Variants in RNF38 observed in about 807,000 individuals in gnomAD.
RNF38 encodes the protein ring finger protein 38, also known as E3 ubiquitin-protein ligase RNF38.
Under a neutral mutation model 67.2 loss-of-function variants are expected in RNF38, and 15 were observed. That is an observed-to-expected ratio of 0.22 (90% CI 0.15 to 0.34). The LOEUF is 0.34. Among genes scored for constraint, RNF38 ranks in the 10% least tolerant of loss-of-function variants. The probability of loss-of-function intolerance (pLI) is 1.00; values close to 1 mark genes in which losing one functional copy is unlikely to be tolerated. For missense variants in RNF38, 524 were observed against 639.9 expected (o/e 0.82, Z 1.95); for synonymous variants, 220 against 218.8 (o/e 1.01, Z -0.05).
intron 1 of RNF38, among the ~76,000 whole-genome samples, chr9:36,431,674 A>G (rs1838937774): frequency 6.6e-6 from 1 of 152,202 alleles, no homozygotes; most frequent in Non-Finnish European, 1.5e-5. Context: ...GAAGCTCTCC[A>G]AACTCTATTA....
At chr9:36,392,679 C>G (rs1837200087) in intron 1 of RNF38, among the ~76,000 whole-genome samples, 1 of 152,154 alleles carries the variant, frequency 6.6e-6, no homozygotes, top group Non-Finnish European at 1.5e-5. Flanking sequence ...GCAGGAGCTT[C>G]ACTCGAGCCC....
chr9:36,449,403 C>A (rs897934271), intron 1 of RNF38, among the ~76,000 whole-genome samples: 2 of 152,050 alleles, frequency 1.3e-5, no homozygotes, highest in African/African-American at 4.8e-5. Context: ...TGCACTCCAG[C>A]CTGGGTGACA....
At chr9:36,465,643 C>T (rs185006319) in intron 1 of RNF38, among the ~76,000 whole-genome samples, 1 of 152,180 alleles carries the variant, frequency 6.6e-6, no homozygotes, top group African/African-American at 2.4e-5. Flanking sequence ...CTATACCCGG[C>T]CCATAGCAGC....
chr9:36,358,044 A>T (rs1834257317), intron 4 of RNF38, 102 bp from the exon 5 acceptor site: 7 of 853,000 alleles, frequency 8.2e-6, no homozygotes, highest in Non-Finnish European at 1.3e-5. Context: ...TCTCAGCTAC[A>T]CGGATTTTCA....
Position 36,442,072 on chromosome 9 carries a change from G to C in RNF38, n.242-17389C>G, listed in dbSNP as rs545091217. Reference sequence around the variant, plus strand: ...TCAATAGCTTCCTCCTACTTATAAGGGGGGGAGGGGGAGAGTCAAATCTGT... The same window carrying C: ...TCAATAGCTTCCTCCTACTTATAAGCGGGGGAGGGGGAGAGTCAAATCTGT... On this transcript the variant is annotated intron_variant and non_coding_transcript_variant, in intron 1 of 3. Coordinates refer to the RNF38 transcript ENST00000488058. Among the ~76,000 whole-genome samples, 97 of 152,170 alleles carry C rather than the reference G, an allele frequency of 6.4e-4. 1 individual carries two copies. Among genetic ancestry groups the C allele is most frequent in the Admixed American group, 3.1e-3 (47 of 15,280 alleles).
At chr9:36,374,437 A>C (rs1371646433) in intron 3 of RNF38, among the ~76,000 whole-genome samples, 1 of 152,222 alleles carries the variant, frequency 6.6e-6, no homozygotes, top group Non-Finnish European at 1.5e-5. Context: ...CTTGCAGACA[A>C]CTACATCTCA....
intron 1 of RNF38, among the ~76,000 whole-genome samples, chr9:36,425,589 G>A (rs557645935): frequency 6.6e-6 from 1 of 152,224 alleles, no homozygotes; most frequent in African/African-American, 2.4e-5. Flanking sequence ...AGCTAATAGG[G>A]AGGCTGAGGA....
intron 1 of RNF38, among the ~76,000 whole-genome samples, chr9:36,440,456 G>C (rs919888044): frequency 2.6e-5 from 4 of 151,888 alleles, no homozygotes; most frequent in African/African-American, 7.3e-5. Context: ...ACTTGAACCT[G>C]GGAGGCAAAG....
chr9:36,414,687 C>CA (rs549559098), intron 2 of RNF38, among the ~76,000 whole-genome samples: 10,223 of 69,708 alleles, frequency 0.15, 798 homozygotes, highest in African/African-American at 0.3. Context: ...ACTCTGTCTC[C>CA]AAAAAAAAAA....
intron 2 of RNF38, among the ~76,000 whole-genome samples, chr9:36,387,789 A>G (rs1043845152): frequency 3.9e-5 from 6 of 152,190 alleles, no homozygotes; most frequent in African/African-American, 7.2e-5. Context: ...TCATTTTCAC[A>G]GAAACATTAA....
intron 4 of RNF38, among the ~76,000 whole-genome samples, chr9:36,362,781 G>A (rs574980541): frequency 1.3e-5 from 2 of 152,124 alleles, no homozygotes; most frequent in South Asian, 2.1e-4. Flanking sequence ...CTATAGGCGT[G>A]CATCACCACA....
intron 1 of RNF38, among the ~76,000 whole-genome samples, chr9:36,397,239 C>CA (rs1303461505): frequency 6.6e-6 from 1 of 151,726 alleles, no homozygotes; most frequent in Non-Finnish European, 1.5e-5. Context: ...CTTCAGCCTC[C>CA]AGAGTAGCGG....
intron 10 of RNF38, among the ~76,000 whole-genome samples, chr9:36,343,552 A>C (rs191068953): frequency 5.9e-5 from 9 of 152,288 alleles, no homozygotes; most frequent in Admixed American, 5.9e-4. Flanking sequence ...AATCTGCAGG[A>C]AATACCACTT....
chr9:36,461,772 C>G (rs150856984), intron 1 of RNF38, among the ~76,000 whole-genome samples: 1 of 148,424 alleles, frequency 6.7e-6, no homozygotes, highest in Non-Finnish European at 1.5e-5. Flanking sequence ...CTCCTAGATT[C>G]CTGGTTTAAG....
At chr9:36,462,721 C>A (rs1839762815) in intron 1 of RNF38, among the ~76,000 whole-genome samples, 1 of 151,076 alleles carries the variant, frequency 6.6e-6, no homozygotes, top group African/African-American at 2.4e-5. Flanking sequence ...GTCGCCCAGG[C>A]TGGAGATCAG....
chr9:36,424,251 GT>G (rs777621559), intron 2 of RNF38, among the ~76,000 whole-genome samples: 1 of 152,144 alleles, frequency 6.6e-6, no homozygotes, highest in Non-Finnish European at 1.5e-5. Flanking sequence ...AAAATGTAAT[GT>G]CCAGGATATT....
chr9:36,483,223 T>C (rs1840320987), intron 1 of RNF38, among the ~76,000 whole-genome samples: 1 of 151,974 alleles, frequency 6.6e-6, no homozygotes, highest in Non-Finnish European at 1.5e-5. Context: ...CCGTCTCTAC[T>C]AAAAATATGA....
chr9:36,455,508 C>G (rs957543660), intron 1 of RNF38, among the ~76,000 whole-genome samples: 9 of 151,838 alleles, frequency 5.9e-5, no homozygotes, highest in Admixed American at 5.9e-4. Flanking sequence ...TTTAGCTGGA[C>G]GCGGTGGCTC....
chr9:36,371,342 TCTAA>T (rs1046256815), intron 3 of RNF38, among the ~76,000 whole-genome samples: 1 of 152,180 alleles, frequency 6.6e-6, no homozygotes, highest in Non-Finnish European at 1.5e-5. Context: ...AATTGTTTCT[TCTAA>T]CTTTATTTTT....
Sources: allele counts gnomAD v4.1 joint callset (sites outside exome capture counted in the v4.1 genomes callset), GRCh38; gene constraint gnomAD v4.1.1; transcripts MANE v1.5; gene names NCBI Gene and HGNC (gene_info 2026-07-23, HGNC 2026-07-21).